NLE1: variants seen among roughly 807,000 people sequenced by gnomAD.
The protein encoded by NLE1 is notchless protein homolog 1.
NLE1 carries 37 observed loss-of-function variants against 62.8 expected under a neutral mutation model. The observed-to-expected ratio is 0.59, with a 90% confidence interval of 0.45 to 0.78. NLE1 has a LOEUF of 0.78. Among genes scored for constraint, NLE1 ranks in the 30% least tolerant of loss-of-function variants. The probability of loss-of-function intolerance (pLI) is 0.00; values close to 1 mark genes in which losing one functional copy is unlikely to be tolerated. For synonymous variants in NLE1, 243 were observed against 253.0 expected, an observed-to-expected ratio of 0.96 and a Z score of 0.37; for missense variants, 555 against 637.9, an observed-to-expected ratio of 0.87 and a Z score of 1.40.
chr17:35,132,826 C>G (rs1016008381), intron 12 of NLE1, among the ~76,000 whole-genome samples: 2 of 152,262 alleles, frequency 1.3e-5, no homozygotes, highest in African/African-American at 4.8e-5. Context: ...AGGATTTGAA[C>G]TCAGGTCTTG....
chr17:35,139,246 A>G lies in NLE1; in HGVS notation c.449T>C (p.Phe150Ser). 1 of 1,613,778 alleles carries G rather than the reference A, an allele frequency of 6.2e-7. No homozygotes were observed. The highest frequency in any genetic ancestry group is 8.5e-7 in the Non-Finnish European group (1 of 1,179,790). The change falls in exon 4 of 13, where the codon TTC becomes TCC. Residue 150 changes from phenylalanine to serine, a missense_variant. Transcript: ENST00000442241. ...AATTGCATACTGACCCTTGCATGTG[A>G]AATGTGGTGTCTCTGTGCTGAGATC... Reference protein sequence around the residue: ...FWDLSTETPHFTCKGHRHWVL... With the variant: ...FWDLSTETPHSTCKGHRHWVL...
Position 35,130,265 on chromosome 17 carries a change from T to C in NLE1, c.*2172A>G. On this transcript the variant is annotated 3_prime_UTR_variant, in exon 13 of 13. Transcript: ENST00000442241. ...ATCTGGGAAGGAACTCTGAAGGGTTTTCTTGTTTCACTTCAGTTTGCAACC... is the reference window on the plus strand; with the variant it reads ...ATCTGGGAAGGAACTCTGAAGGGTTCTCTTGTTTCACTTCAGTTTGCAACC... 6.2e-7 allele frequency: 1 copy of C among 1,612,208 alleles called. No individual in the cohort carries two copies. The highest frequency in any genetic ancestry group is 2.2e-5 in the East Asian group (1 of 44,826).
Position 35,135,364 on chromosome 17 carries a change from G to A in NLE1, c.1099C>T (p.Arg367Trp), listed in dbSNP as rs140537254. The A allele has an allele frequency of 1.5e-5, 25 of 1,614,082 alleles. No individual in the cohort carries two copies. In the African/African-American group the frequency reaches 1.9e-4, roughly 12 times the overall value. Residue 367 changes from arginine to tryptophan, a missense_variant, in exon 10 of 13, where the codon CGG becomes TGG. Arg to Trp is a moderately radical substitution (Grantham distance 101, BLOSUM62 -3). Coordinates refer to ENST00000442241, the MANE Select transcript of NLE1 (RefSeq NM_018096.5). ...ATGAGAGCTTGGTGTCCTGTCATCC[G>A]AGTGAGAGGCTTTTTGTCCTCTGCT... Reference protein sequence around the residue: ...SPAEDKKPLTRMTGHQALINQ... With the variant: ...SPAEDKKPLTWMTGHQALINQ...
chr17:35,136,849 G>A, intron 7 of NLE1, 152 bp downstream of exon 7: 1 of 758,922 alleles, frequency 1.3e-6, no homozygotes, highest in African/African-American at 1.7e-5. Context: ...ACCAACCACA[G>A]AACTCCTCAT....
intron 3 of NLE1, 79 bp downstream of exon 3, chr17:35,139,769 TA>T: frequency 6.4e-7 from 1 of 1,558,426 alleles, no homozygotes. Flanking sequence ...CCATCAATTA[TA>T]ACTCTGGGAG....
rs761870206 is a variant in NLE1 at position 35,142,129 on chromosome 17, G to A, written c.19-7C>T. ...CGCGCGCCACCGCCTCGTCCTGCGC[G>A]AGCAAGTGGGGCGGGAGTCAGTCTG... On this transcript the variant is annotated splice_polypyrimidine_tract_variant and splice_region_variant and intron_variant, in intron 1 of 12. Coordinates refer to ENST00000442241, the MANE Select transcript of NLE1 (RefSeq NM_018096.5). 41 of 1,610,270 alleles carry A rather than the reference G, an allele frequency of 2.5e-5. No homozygotes were observed. Among genetic ancestry groups the A allele is most frequent in the Non-Finnish European group, 3.3e-5 (39 of 1,178,958 alleles).
At position 35,129,293 on chromosome 17, in the gene NLE1, A is replaced by T. The variant is rs1305015187; in HGVS notation, c.*3144T>A. The T allele has an allele frequency of 2.4e-6, 3 of 1,234,024 alleles. No homozygotes were observed. The highest frequency in any genetic ancestry group is 3.4e-6 in the Non-Finnish European group (3 of 878,684). 76.4% of individuals were successfully genotyped at this position (1,234,024 alleles called of 1,614,324 possible). The stretch of plus-strand genomic sequence containing the variant: ...AGTGCTGCAGTACCTTGCACCTTCC[A>T]TCTGACCTGCCTGGGCCCCAGCAGG... On this transcript the variant is annotated 3_prime_UTR_variant, in exon 13 of 13. Transcript: ENST00000442241.
At position 35,137,046 on chromosome 17, in the gene NLE1, G is replaced by A; in HGVS notation, c.783C>T (p.Tyr261=). ...TGATGGTGCGGTCCTGGGAGGCAGA[G>A]TAGAGAAGCCCGTCCCCTCCCCACC... is the stretch of plus-strand genomic sequence containing the variant. The part of the protein sequence containing the change: ...CLRWGGDGLL[Y]SASQDRTIKV... Residue 261 remains tyrosine, a synonymous_variant, in exon 7 of 13, where the codon TAC becomes TAT. Coordinates refer to ENST00000442241, the MANE Select transcript of NLE1 (RefSeq NM_018096.5). The A allele has an allele frequency of 6.2e-7, 1 of 1,613,918 alleles. No individual in the cohort carries two copies. The highest frequency in any genetic ancestry group is 1.7e-5 in the Admixed American group (1 of 60,000).
chr17:35,133,162 C>G lies in NLE1; in HGVS notation c.1445+9G>C, dbSNP rs113578546. ...TGTGTATGCCAACCACCACTTCCCC[C>G]ACACTCACATCCGGAGGCATTTGTC... On this transcript the variant is annotated intron_variant, in intron 12 of 12. Coordinates refer to ENST00000442241, the MANE Select transcript of NLE1 (RefSeq NM_018096.5). 10 of 1,613,774 alleles carry G rather than the reference C, an allele frequency of 6.2e-6. No individual in the cohort carries two copies. Among genetic ancestry groups the G allele is most frequent in the Non-Finnish European group, 7.6e-6 (9 of 1,179,728 alleles).
Position 35,129,831 on chromosome 17 carries a change from G to A in NLE1, c.*2606C>T. On this transcript the variant is annotated 3_prime_UTR_variant, in exon 13 of 13. Coordinates refer to ENST00000442241, the MANE Select transcript of NLE1 (RefSeq NM_018096.5). ...AATGCATGCTTCTGGGAGGTTTAAGGATTAAGCCACTCTGGGGCCCACTAG... is the reference window on the plus strand; with the variant it reads ...AATGCATGCTTCTGGGAGGTTTAAGAATTAAGCCACTCTGGGGCCCACTAG... 1 of 1,426,346 alleles carries A rather than the reference G, an allele frequency of 7.0e-7. No homozygotes were observed. The highest frequency in any genetic ancestry group is 2.9e-5 in the Admixed American group (1 of 34,860). 88.4% of individuals were successfully genotyped at this position (1,426,346 alleles called of 1,614,324 possible). A position where few individuals can be genotyped will look rare whatever the true frequency, so the allele number is the denominator to read the frequency against.
chr17:35,142,229 G>A (rs1173690482), intron 1 of NLE1, 29 bp downstream of exon 1: 6 of 1,551,910 alleles, frequency 3.9e-6, no homozygotes, highest in Admixed American at 3.8e-5. Flanking sequence ...CCGCGGCGAC[G>A]CCCCCCGCCC....
chr17:35,138,279 C>G (rs186551789), intron 4 of NLE1, among the ~76,000 whole-genome samples: 167 of 152,294 alleles, frequency 1.1e-3, no homozygotes, highest in African/African-American at 3.8e-3. Flanking sequence ...CTTAACTAAT[C>G]TGTGGTATAG....
rs75863791 is a variant in NLE1, at chr17:35,139,154, C to G, written c.460+81G>C. Reference sequence around the variant, plus strand: ...GTTCAAGTGAGCTGTGACTGCACCACTGTACTCCATCCTGGTCAACAGAGC... The same window carrying G: ...GTTCAAGTGAGCTGTGACTGCACCAGTGTACTCCATCCTGGTCAACAGAGC... On this transcript the variant is annotated intron_variant, in intron 4 of 12. Transcript: ENST00000442241. 1,776 of 1,249,648 alleles carry G rather than the reference C, an allele frequency of 1.4e-3. 24 individuals carry two copies. The African/African-American group carries it at 0.023, about 16-fold the overall frequency. The allele number at this position is 1,249,648 out of a possible 1,614,324, so 77.4% of individuals were successfully genotyped here.
intron 2 of NLE1, 117 bp downstream of exon 2, chr17:35,141,862 G>A: frequency 1.7e-6 from 2 of 1,187,224 alleles, no homozygotes; most frequent in Middle Eastern, 2.8e-4. Flanking sequence ...CTCACGCCAG[G>A]TGGGTCACCA....
intron 4 of NLE1, among the ~76,000 whole-genome samples, chr17:35,138,424 A>AT (rs2091922627): frequency 6.6e-6 from 1 of 151,938 alleles, no homozygotes; most frequent in African/African-American, 2.4e-5. Context: ...AGCAATCTGT[A>AT]TTTTTTTCTC....
rs2091870438 is a variant in NLE1 at position 35,130,496 on chromosome 17, C to A, written c.*1941G>T. ...GCTTCAACCCCAGGCCCTCAGAAAC[C>A]AGAGCCATGAGACCTACCATACCAC... On this transcript the variant is annotated 3_prime_UTR_variant, in exon 13 of 13. Coordinates refer to ENST00000442241, the MANE Select transcript of NLE1 (RefSeq NM_018096.5). 1.3e-6 allele frequency: 2 copies of A among 1,551,038 alleles called. No homozygotes were observed. The highest frequency in any genetic ancestry group is 1.4e-5 in the African/African-American group (1 of 73,780).
In NLE1 at chr17:35,137,154, A is replaced by G. The variant is rs747457974; in HGVS notation, c.675T>C (p.Asp225=). 1 of 1,612,506 alleles carries G rather than the reference A, an allele frequency of 6.2e-7. No homozygotes were observed. The highest frequency in any genetic ancestry group is 1.1e-5 in the South Asian group (1 of 91,022). ...TTGTGTCCCAGATCCGCACACTGCC[A>G]TCCTTGGAGCTGCTGGCCACATAGC... ...ECRYVASSSK[D]GSVRIWDTTA... The change falls in exon 7 of 13, where the codon GAT becomes GAC. Residue 225 remains aspartate (D), a synonymous_variant. Transcript: ENST00000442241.
Position 35,132,261 on chromosome 17 carries a change from G to A in NLE1, c.*176C>T, listed in dbSNP as rs1473166968. On this transcript the variant is annotated 3_prime_UTR_variant, in exon 13 of 13. Transcript: ENST00000442241. Reference sequence around the variant, plus strand: ...CTGGCTCTGGGGTGTGCCACAGGCGGGGATCTGTGGGAAAACCCCATTCCG... The same window carrying A: ...CTGGCTCTGGGGTGTGCCACAGGCGAGGATCTGTGGGAAAACCCCATTCCG... The A allele has an allele frequency of 6.8e-6, 3 of 442,688 alleles. No individual in the cohort carries two copies. The highest frequency in any genetic ancestry group is 1.7e-4 in the South Asian group (2 of 11,758). 27.4% of individuals were successfully genotyped at this position (442,688 alleles called of 1,614,324 possible).
rs2091917110 is a variant in NLE1 at position 35,137,595 on chromosome 17, G to A, written c.583C>T (p.Leu195Phe). 1 of 1,610,864 alleles carries A rather than the reference G, an allele frequency of 6.2e-7. No homozygotes were observed. Among genetic ancestry groups the A allele is most frequent in the African/African-American group, 1.3e-5 (1 of 75,056 alleles). Reference sequence around the variant, plus strand: ...GTGATCCACTTGCTGTGGCCAGCGAGGGTCCTGCCCACCTGCTTCCCTGTG... The same window carrying A: ...GTGATCCACTTGCTGTGGCCAGCGAAGGTCCTGCCCACCTGCTTCCCTGTG... Reference protein sequence around the residue: ...PSTGKQVGRTLAGHSKWITGL... With the variant: ...PSTGKQVGRTFAGHSKWITGL... The change falls in exon 6 of 13, where the codon CTC (leucine) becomes TTC (phenylalanine). Residue 195 changes from leucine (L) to phenylalanine (F), a missense_variant. Transcript: ENST00000442241.
Sources: gnomAD v4.1 joint callset for allele counts (sites outside exome capture counted in the v4.1 genomes callset) on GRCh38, gnomAD v4.1.1 for gene constraint, MANE v1.5 for transcripts, NCBI Gene and HGNC (gene_info 2026-07-23, HGNC 2026-07-21) for gene names.